The following OMA1 variants were observed in gnomAD, a reference collection of about 807,000 sequenced individuals.
The protein encoded by OMA1 is metalloendopeptidase OMA1, mitochondrial.
In OMA1, 38 loss-of-function variants were observed where a neutral mutation model predicts 30.9. The ratio of observed to expected loss-of-function variants is 1.23; its 90% CI spans 0.95 to 1.61. The LOEUF is 1.61. OMA1 is among the 40% of genes most tolerant of loss of function. The pLI, the probability that OMA1 is intolerant of heterozygous loss-of-function variation, is 0.00. For synonymous variants in OMA1, 173 were observed against 121.9 expected, an observed-to-expected ratio of 1.42 and a Z score of -2.76; for missense variants, 461 against 349.2, an observed-to-expected ratio of 1.32 and a Z score of -2.55.
intron 7 of OMA1, among the ~76,000 whole-genome samples, chr1:58,516,435 G>C (rs141116221): frequency 6.6e-6 from 1 of 152,262 alleles, no homozygotes; most frequent in African/African-American, 2.4e-5. Flanking sequence ...TCTTTTGTCA[G>C]CTGAAGACTG....
chr1:58,490,656 T>G (rs912233284), intron 8 of OMA1, among the ~76,000 whole-genome samples: 6 of 151,890 alleles, frequency 4.0e-5, no homozygotes, highest in Non-Finnish European at 7.4e-5. Context: ...TCACCAAAGT[T>G]GAAATGAAGG....
At chr1:58,500,934 C>T (rs541911386) in intron 8 of OMA1, among the ~76,000 whole-genome samples, 11 of 152,184 alleles carry the variant, frequency 7.2e-5, no homozygotes, top group South Asian at 4.1e-4. Context: ...TCTCTTTCAA[C>T]GACAAATTAT....
In OMA1 at chr1:58,518,175, A is replaced by T. The variant is rs113926943; in HGVS notation, c.1215+9086T>A. On this transcript the variant is annotated intron_variant, in intron 7 of 8. Transcript: ENST00000371226. Reference sequence around the variant, plus strand: ...CACTCCAGCCTGGGCAACAAAAGTGAAATTCTGTCAGAAAGAAAAGAGGAG... The same window carrying T: ...CACTCCAGCCTGGGCAACAAAAGTGTAATTCTGTCAGAAAGAAAAGAGGAG... 7.2e-3 allele frequency among the ~76,000 whole-genome samples: 878 copies of T among 122,410 alleles called. 6 individuals carry two copies. The highest frequency in any genetic ancestry group is 0.019 in the African/African-American group (620 of 33,510). The allele number at this position is 122,410 out of a possible 152,430, so 80.3% of individuals were successfully genotyped here.
At chr1:58,483,225 G>C (rs1012656260) in intron 8 of OMA1, among the ~76,000 whole-genome samples, 1 of 152,174 alleles carries the variant, frequency 6.6e-6, no homozygotes, top group African/African-American at 2.4e-5. Flanking sequence ...ATGTGTTCAA[G>C]GAAGAGGTCC....
intron 6 of OMA1, 23 bp downstream of exon 6, chr1:58,530,578 T>C (rs1482502764): frequency 8.1e-6 from 7 of 865,758 alleles, no homozygotes; most frequent in African/African-American, 4.9e-5. Flanking sequence ...TATGATCAAT[T>C]CAAGTTATTG....
intron 8 of OMA1, among the ~76,000 whole-genome samples, chr1:58,502,714 G>A (rs1464002002): frequency 6.6e-6 from 1 of 152,126 alleles, no homozygotes; most frequent in Non-Finnish European, 1.5e-5. Flanking sequence ...TACAATAATA[G>A]GGAATTCCAA....
intron 1 of OMA1, among the ~76,000 whole-genome samples, chr1:58,542,989 T>TAAA (rs1366118230): frequency 6.7e-6 from 1 of 149,110 alleles, no homozygotes. Flanking sequence ...AAAAGCTTTT[T>TAAA]TAAAAAAAAA....
chr1:58,498,429 C>T (rs113741737), intron 8 of OMA1, among the ~76,000 whole-genome samples: 3 of 152,144 alleles, frequency 2.0e-5, no homozygotes, highest in African/African-American at 7.2e-5. Flanking sequence ...CAACTCTCTC[C>T]CTTAATTTCT....
intron 5 of OMA1, among the ~76,000 whole-genome samples, chr1:58,533,513 T>C (rs1302294146): frequency 1.3e-5 from 2 of 152,286 alleles, no homozygotes; most frequent in East Asian, 3.9e-4. Context: ...ACATGACACA[T>C]CATTCTAGAC....
Position 58,543,486 on chromosome 1 carries a change from T to C in OMA1, c.-17+3217A>G, listed in dbSNP as rs17117744. Among the ~76,000 whole-genome samples the C allele has an allele frequency of 6.4e-3, 980 of 152,312 alleles. 14 individuals are homozygous for C. The highest frequency in any genetic ancestry group is 0.023 in the African/African-American group (937 of 41,556). ...TCTCATTCTAGCCTTTCCTGGGCTC[T>C]GTGGTCTTATGGTGTTGATCACTAC... On this transcript the variant is annotated intron_variant, in intron 1 of 8. Coordinates refer to ENST00000371226, the MANE Select transcript of OMA1 (RefSeq NM_145243.5).
chr1:58,485,228 T>TAAAAAAAAAAAA (rs71043289), intron 8 of OMA1, among the ~76,000 whole-genome samples: 9 of 42,056 alleles, frequency 2.1e-4, no homozygotes, highest in South Asian at 1.3e-3. Flanking sequence ...AGTCTACTAC[T>TAAAAAAAAAAAA]AAAAAAAAAA....
intron 5 of OMA1, among the ~76,000 whole-genome samples, chr1:58,532,518 A>C (rs1049822383): frequency 6.6e-6 from 1 of 152,136 alleles, no homozygotes; most frequent in Non-Finnish European, 1.5e-5. Context: ...TTTAAGAAAA[A>C]AAGATTTTTT....
rs761631368 is a variant in OMA1 at position 58,534,023 on chromosome 1, C to A, written c.941G>T (p.Ser314Ile). 4 of 871,368 alleles carry A rather than the reference C, an allele frequency of 4.6e-6. No individual in the cohort carries two copies. In the African/African-American group the frequency reaches 6.5e-5, roughly 14 times the overall value. 54.0% of individuals were successfully genotyped at this position (871,368 alleles called of 1,614,324 possible). The change falls in exon 5 of 9, where the codon AGT becomes ATT. Residue 314 changes from serine to isoleucine, a missense_variant. Transcript: ENST00000371226. ...AGAAAGTTGATGAATATCGGTTACA[C>A]TATTTAAAAATCCAGTGAAAACAAA... ...QMFVFTGFLN[S>I]VTDIHQLSFL...
At position 58,523,886 on chromosome 1, in the gene OMA1, G is replaced by T. The variant is rs6663128; in HGVS notation, c.1215+3375C>A. Among the ~76,000 whole-genome samples, 280 of 152,118 alleles carry T rather than the reference G, an allele frequency of 1.8e-3. 2 individuals carry two copies. The highest frequency in any genetic ancestry group is 6.4e-3 in the African/African-American group (264 of 41,480). On this transcript the variant is annotated intron_variant, in intron 7 of 8. Coordinates refer to ENST00000371226, the MANE Select transcript of OMA1 (RefSeq NM_145243.5). ...TGCACTCCAGCCTGGGTGACAGAGCGAGACTCCATCTCAAAAAAAGAAAAA... is the reference window on the plus strand; with the variant it reads ...TGCACTCCAGCCTGGGTGACAGAGCTAGACTCCATCTCAAAAAAAGAAAAA...
intron 7 of OMA1, among the ~76,000 whole-genome samples, chr1:58,509,545 A>G (rs994020680): frequency 3.3e-5 from 5 of 151,648 alleles, no homozygotes; most frequent in African/African-American, 9.7e-5. Flanking sequence ...TTAAAAAAAA[A>G]AAGAAGAAAG....
At chr1:58,514,233 T>C (rs1273181384) in intron 7 of OMA1, among the ~76,000 whole-genome samples, 1 of 152,134 alleles carries the variant, frequency 6.6e-6, no homozygotes, top group African/African-American at 2.4e-5. Context: ...AAGGAACATA[T>C]TGAGAAAGAA....
At chr1:58,546,635 T>G (rs1646712094) in intron 1 of OMA1, 68 bp downstream of exon 1, 1 of 146,752 alleles carries the variant, frequency 6.8e-6, no homozygotes, top group Non-Finnish European at 1.5e-5. Flanking sequence ...ACTGCCGCAC[T>G]CTGCCTCCTC....
At chr1:58,488,541 T>A (rs1012737450) in intron 8 of OMA1, among the ~76,000 whole-genome samples, 2 of 152,166 alleles carry the variant, frequency 1.3e-5, no homozygotes, top group South Asian at 2.1e-4. Flanking sequence ...AACCTCTGCC[T>A]CCCAGGTTCA....
intron 6 of OMA1, among the ~76,000 whole-genome samples, chr1:58,529,820 A>G (rs890881569): frequency 3.9e-5 from 6 of 152,234 alleles, no homozygotes; most frequent in African/African-American, 1.4e-4. Flanking sequence ...AGTAATCTAG[A>G]GATGATTTAA....
Sources: gnomAD v4.1 joint callset for allele counts (sites outside exome capture counted in the v4.1 genomes callset) on GRCh38, gnomAD v4.1.1 for gene constraint, MANE v1.5 for transcripts, NCBI Gene and HGNC (gene_info 2026-07-23, HGNC 2026-07-21) for gene names.